The following C4orf50 variants were observed in gnomAD, a reference collection of about 807,000 sequenced individuals.
C4orf50 encodes the protein uncharacterized protein C4orf50.
C4orf50 carries 80 observed loss-of-function variants against 77.2 expected under a neutral mutation model. The ratio of observed to expected loss-of-function variants is 1.04; its 90% CI spans 0.87 to 1.25. The LOEUF is 1.25. Ranked by LOEUF, C4orf50 falls within the 50% of genes most tolerant of loss-of-function variation. The pLI is 0.00. For synonymous variants in C4orf50, 532 were observed against 465.3 expected, an observed-to-expected ratio of 1.14 and a Z score of -1.84; for missense variants, 1,257 against 1,152.9, an observed-to-expected ratio of 1.09 and a Z score of -1.31.
exon 28 of C4orf50, chr4:5,990,468 G>A (rs988838532): frequency 6.0e-5 from 24 of 400,134 alleles, no homozygotes; most frequent in African/African-American, 3.1e-4. Context: ...AGGGGGCCTC[G>A]TGGAAGAGGG....
chr4:6,014,105 C>T (rs548553692), intron 23 of C4orf50, among the ~76,000 whole-genome samples: 4 of 151,474 alleles, frequency 2.6e-5, no homozygotes, highest in East Asian at 2.0e-4. Context: ...GGGGTTCAAG[C>T]GATTCTCCTG....
intron 7 of C4orf50, among the ~76,000 whole-genome samples, chr4:5,906,457 G>A (rs2152480423): frequency 6.6e-6 from 1 of 152,302 alleles, no homozygotes; most frequent in East Asian, 1.9e-4. Context: ...GAGTAGCGGA[G>A]AGAGTGGGTC....
At chr4:6,014,003 GT>G (rs1370682782) in intron 23 of C4orf50, among the ~76,000 whole-genome samples, 9 of 120,846 alleles carry the variant, frequency 7.4e-5, no homozygotes, top group Non-Finnish European at 1.3e-4. Flanking sequence ...TTTAAGTTGT[GT>G]GTTTTTTTTT....
rs1485122339 is a variant in C4orf50, at chr4:5,935,783, C to CT, written c.*2474+21117dup. 8.7e-4 allele frequency among the ~76,000 whole-genome samples: 39 copies of CT among 45,082 alleles called. 1 individual carries two copies. The East Asian group carries it at 0.018, about 21-fold the overall frequency. 29.6% of individuals were successfully genotyped at this position (45,082 alleles called of 152,430 possible). ...GCTGGGCGACAGAGGGAGACTCCGT[C>CT]TAAAAAAAAAAAAAAAAAAAAAAAA... On this transcript the variant is annotated intron_variant, in intron 7 of 7. Coordinates refer to the C4orf50 transcript ENST00000324058.
At chr4:5,943,016 A>G (rs749447170) in intron 7 of C4orf50, among the ~76,000 whole-genome samples, 46 of 152,112 alleles carry the variant, frequency 3.0e-4, no homozygotes, top group Non-Finnish European at 5.4e-4. Flanking sequence ...GTTGTTTAAA[A>G]TATGTTTCTT....
chr4:5,900,799 A>G lies in C4orf50; in HGVS notation c.*2475-2611T>C, dbSNP rs1221105311. The stretch of plus-strand genomic sequence containing the variant: ...GGAGAAGGATGCTTACACTAGATGA[A>G]GTCTGAGGCTGTCTCCAGCTCCAAC... On this transcript the variant is annotated intron_variant, in intron 7 of 7. Coordinates refer to the C4orf50 transcript ENST00000324058. The surrounding 1 kb of genome is among the most constrained non-coding windows in gnomAD (Gnocchi z 4.3). 2 of 152,196 alleles carry G rather than the reference A, an allele frequency of 1.3e-5. No individual in the cohort carries two copies. Among genetic ancestry groups the G allele is most frequent in the Non-Finnish European group, 2.9e-5 (2 of 68,032 alleles). 9.4% of individuals were successfully genotyped at this position (152,196 alleles called of 1,614,324 possible). A position where few individuals can be genotyped will look rare whatever the true frequency, so the allele number is the denominator to read the frequency against.
At chr4:5,975,491 G>A (rs980868405) in intron 30 of C4orf50, among the ~76,000 whole-genome samples, 4 of 122,988 alleles carry the variant, frequency 3.3e-5, no homozygotes, top group South Asian at 2.9e-4. Context: ...TCTTCTTTGC[G>A]GTTTTTTTGT....
chr4:6,000,018 T>C lies in C4orf50; in HGVS notation c.964-5542A>G, dbSNP rs983997084. On this transcript the variant is annotated intron_variant, in intron 25 of 33. Coordinates refer to ENST00000531445, the Ensembl canonical transcript of C4orf50. This position sits in a 1 kb window ranked among gnomAD's most constrained non-coding sequence, Gnocchi z 6.0. Reference sequence around the variant, plus strand: ...CACCGGGGGCCTTGAATGCCGTGGATAGGAGGTTGAACTTGATCCTGAGGC... The same window carrying C: ...CACCGGGGGCCTTGAATGCCGTGGACAGGAGGTTGAACTTGATCCTGAGGC... 1.3e-5 allele frequency among the ~76,000 whole-genome samples: 2 copies of C among 152,020 alleles called. No individual in the cohort carries two copies. The highest frequency in any genetic ancestry group is 3.9e-4 in the East Asian group (2 of 5,148).
intron 7 of C4orf50, among the ~76,000 whole-genome samples, chr4:5,935,410 A>G (rs1039203372): frequency 3.3e-5 from 5 of 152,200 alleles, no homozygotes; most frequent in Admixed American, 1.3e-4. Context: ...CCATAGCCCT[A>G]TATCTCATGG....
intron 7 of C4orf50, among the ~76,000 whole-genome samples, chr4:5,928,036 C>A (rs190946451): frequency 5.4e-4 from 82 of 152,300 alleles, no homozygotes; most frequent in African/African-American, 1.9e-3. Flanking sequence ...CAGCTTCCTG[C>A]AGGCCTCTGC....
intron 32 of C4orf50, among the ~76,000 whole-genome samples, chr4:5,966,769 C>T (rs370406318): frequency 2.0e-5 from 3 of 151,892 alleles, no homozygotes. Context: ...CCTGCCTCAG[C>T]CTCCCGAGTA....
At chr4:5,961,160 CA>C (rs1464325285) in intron 33 of C4orf50, among the ~76,000 whole-genome samples, 1 of 152,118 alleles carries the variant, frequency 6.6e-6, no homozygotes, top group Non-Finnish European at 1.5e-5. Context: ...ACTAAAAATA[CA>C]AAAATTAGCT....
chr4:5,998,606 G>A (rs1218606326), intron 25 of C4orf50, among the ~76,000 whole-genome samples: 1 of 152,228 alleles, frequency 6.6e-6, no homozygotes, highest in Non-Finnish European at 1.5e-5. Flanking sequence ...GCTCTGGGAT[G>A]ACAGTGGACA....
chr4:5,977,654 A>G (rs1289470549), intron 29 of C4orf50, among the ~76,000 whole-genome samples: 2 of 152,246 alleles, frequency 1.3e-5, no homozygotes, highest in Admixed American at 6.5e-5. Flanking sequence ...GAAGATTTCA[A>G]TGCATATTTC....
intron 32 of C4orf50, among the ~76,000 whole-genome samples, 183 bp downstream of exon 10, chr4:5,967,231 T>C (rs1187234397): frequency 6.6e-6 from 1 of 152,168 alleles, no homozygotes; most frequent in Non-Finnish European, 1.5e-5. Context: ...CAGTGTGTTC[T>C]CTCATTGTGA....
At position 5,980,146 on chromosome 4, in the gene C4orf50, A is replaced by C. The variant is rs1162431411; in HGVS notation, c.3864+28T>G. The stretch of plus-strand genomic sequence containing the variant: ...CCGGGGTGTGGGAGCCCTGGCTGAC[A>C]AGAGGGGAAAGAAAGCACTTCCCAC... On this transcript the variant is annotated intron_variant, in intron 29 of 33. Coordinates refer to ENST00000531445, the Ensembl canonical transcript of C4orf50. 1.9e-6 allele frequency: 3 copies of C among 1,544,724 alleles called. No individual in the cohort carries two copies. The East Asian group carries it at 6.9e-5, about 36-fold the overall frequency.
At chr4:5,935,093 G>A (rs1717948355) in intron 7 of C4orf50, among the ~76,000 whole-genome samples, 1 of 152,216 alleles carries the variant, frequency 6.6e-6, no homozygotes, top group African/African-American at 2.4e-5. Flanking sequence ...GAAGCTCTAG[G>A]TTCATAATTA....
intron 25 of C4orf50, among the ~76,000 whole-genome samples, chr4:6,003,845 ATGATGGTGATGATGG>A (rs1338534553): frequency 1.8e-4 from 8 of 43,316 alleles, no homozygotes; most frequent in East Asian, 4.5e-3. Context: ...TGTGATAGTG[ATGATGGTGATGATGG>A]TGATGGTGAT....
intron 7 of C4orf50, among the ~76,000 whole-genome samples, chr4:5,925,079 C>G (rs1717454966): frequency 6.6e-6 from 1 of 151,984 alleles, no homozygotes; most frequent in Non-Finnish European, 1.5e-5. Context: ...CAGGAAGCTG[C>G]TTTTGGGTTT....
Sources: gnomAD v4.1 joint callset for allele counts (sites outside exome capture counted in the v4.1 genomes callset) on GRCh38, gnomAD v4.1.1 for gene constraint, Gnocchi (gnomAD v3.1) non-coding constraint, MANE v1.5 for transcripts, NCBI Gene and HGNC (gene_info 2026-07-23, HGNC 2026-07-21) for gene names.